The following SVIP variants were observed in gnomAD, a reference collection of about 807,000 sequenced individuals.
SVIP encodes small VCP interacting protein.
In SVIP, 14 loss-of-function variants were observed where a neutral mutation model predicts 12.9. That is an observed-to-expected ratio of 1.08 (90% CI 0.72 to 1.70). The LOEUF is 1.70. Ranked by LOEUF, SVIP falls within the 40% of genes most tolerant of loss-of-function variation. The pLI is 0.00. For synonymous variants in SVIP, 35 were observed against 33.3 expected (o/e 1.05, Z -0.17); for missense variants, 93 against 90.8 (o/e 1.02, Z -0.10).
Position 22,827,894 on chromosome 11 carries a change from T to C in SVIP, c.55-20A>G, listed in dbSNP as rs1273310108. The stretch of plus-strand genomic sequence containing the variant: ...CTCTTCCTAAATAAATGTGTAAAAA[T>C]ATGTATTAAAATAACAAACATTATT... On this transcript the variant is annotated intron_variant, in intron 1 of 3. Coordinates refer to ENST00000354193, the MANE Select transcript of SVIP (RefSeq NM_148893.3). 1 of 1,516,494 alleles carries C rather than the reference T, an allele frequency of 6.6e-7. No homozygotes were observed. The highest frequency in any genetic ancestry group is 8.9e-7 in the Non-Finnish European group (1 of 1,121,204). 93.9% of individuals were successfully genotyped at this position (1,516,494 alleles called of 1,614,324 possible).
At chr11:22,829,306 G>T (rs896176744) in intron 1 of SVIP, 8 of 185,182 alleles carry the variant, frequency 4.3e-5, no homozygotes, top group Non-Finnish European at 7.8e-5. Context: ...TCTCCTAGAC[G>T]ACTAAAGAGC....
chr11:22,826,698 G>A (rs1327247177), intron 3 of SVIP, among the ~76,000 whole-genome samples: 1 of 152,026 alleles, frequency 6.6e-6, no homozygotes, highest in African/African-American at 2.4e-5. Context: ...ACCCACACCT[G>A]TATACATTCT....
At chr11:22,825,324 A>G (rs959648025) in intron 3 of SVIP, among the ~76,000 whole-genome samples, 1 of 152,076 alleles carries the variant, frequency 6.6e-6, no homozygotes, top group Admixed American at 6.6e-5. Context: ...AGCCTTCCAG[A>G]ATTTTTTCAC....
At position 22,821,561 on chromosome 11, in the gene SVIP, A is replaced by G. The variant is rs911642742; in HGVS notation, c.*1558T>C. On this transcript the variant is annotated 3_prime_UTR_variant, in exon 4 of 4. Transcript: ENST00000354193. Reference sequence around the variant, plus strand: ...TTAAAATGGAAGAAAGGATTTGCAGAGTTCAAGGATGATATGCTCTAGCTC... The same window carrying G: ...TTAAAATGGAAGAAAGGATTTGCAGGGTTCAAGGATGATATGCTCTAGCTC... The G allele has an allele frequency of 1.3e-5, 2 of 152,124 alleles. No individual in the cohort carries two copies. The highest frequency in any genetic ancestry group is 1.3e-4 in the Admixed American group (2 of 15,270). 9.4% of individuals were successfully genotyped at this position (152,124 alleles called of 1,614,324 possible).
Position 22,825,391 on chromosome 11 carries a change from G to A in SVIP, c.219+1816C>T, listed in dbSNP as rs559017711. Among the ~76,000 whole-genome samples, 12 of 152,236 alleles carry A rather than the reference G, an allele frequency of 7.9e-5. 1 individual carries two copies. Among genetic ancestry groups the A allele is most frequent in the South Asian group, 4.1e-4 (2 of 4,820 alleles). On this transcript the variant is annotated intron_variant, in intron 3 of 3. Transcript: ENST00000354193. ...AGCAGAATGGAGCATGCCACTTGAA[G>A]CTAGTGTGGTAGTGGTAGGTGATGA...
At position 22,824,422 on chromosome 11, in the gene SVIP, T is replaced by TTA. The variant is rs56298778; in HGVS notation, c.220-1291_220-1290dup. 9.6e-3 allele frequency among the ~76,000 whole-genome samples: 1,393 copies of TTA among 144,738 alleles called. 13 individuals carry two copies. Among genetic ancestry groups the TTA allele is most frequent in the African/African-American group, 0.024 (967 of 39,536 alleles). 95.0% of individuals were successfully genotyped at this position (144,738 alleles called of 152,430 possible). ...CATCCAAGGAATATTATTGGGTGTT[T>TTA]TATATATATATATACACACACACAT... On this transcript the variant is annotated intron_variant, in intron 3 of 3. Coordinates refer to ENST00000354193, the MANE Select transcript of SVIP (RefSeq NM_148893.3).
intron 3 of SVIP, among the ~76,000 whole-genome samples, chr11:22,823,850 G>A (rs578108533): frequency 2.6e-5 from 4 of 152,138 alleles, no homozygotes; most frequent in African/African-American, 4.8e-5. Context: ...TCAGCCTCCC[G>A]AAAAGCTAGG....
rs989886370 is a variant in SVIP at position 22,819,845 on chromosome 11, G to A, written c.*3274C>T. On this transcript the variant is annotated 3_prime_UTR_variant, in exon 4 of 4. Coordinates refer to ENST00000354193, the MANE Select transcript of SVIP (RefSeq NM_148893.3). ...TAACAAAAAAGTATGATATCCACAG[G>A]AGTAATGTATGAATACTTAATTTGT... 1 of 152,198 alleles carries A rather than the reference G, an allele frequency of 6.6e-6. No individual in the cohort carries two copies. The highest frequency in any genetic ancestry group is 2.1e-4 in the South Asian group (1 of 4,826). The allele number at this position is 152,198 out of a possible 1,614,324, so 9.4% of individuals were successfully genotyped here.
Position 22,827,315 on chromosome 11 carries a change from T to G in SVIP, c.111A>C (p.Ala37=). The change falls in exon 3 of 4, where the codon GCA becomes GCC. Residue 37 remains alanine, a synonymous_variant. Transcript: ENST00000354193. ...ATTGAACATCTAAAATTCCCCGAGA[T>G]GCAGCCTTGAAGAAATTTGATAAGA... ...EAAERRQKEA[A]SRGILDVQSV... 1 of 1,594,530 alleles carries G rather than the reference T, an allele frequency of 6.3e-7. No individual in the cohort carries two copies. Among genetic ancestry groups the G allele is most frequent in the South Asian group, 1.2e-5 (1 of 86,922 alleles).
intron 3 of SVIP, among the ~76,000 whole-genome samples, chr11:22,826,424 G>A (rs2134761049): frequency 6.6e-6 from 1 of 152,084 alleles, no homozygotes; most frequent in Non-Finnish European, 1.5e-5. Context: ...ATAAATCATT[G>A]ACAAGTTAAA....
intron 1 of SVIP, 166 bp downstream of exon 1, chr11:22,829,529 G>A: frequency 3.2e-6 from 2 of 629,448 alleles, no homozygotes; most frequent in Non-Finnish European, 5.3e-6. Flanking sequence ...AGGTCGCTCT[G>A]ACAGGACCCA....
At chr11:22,829,551 G>A in intron 1 of SVIP, 144 bp downstream of exon 1, 1 of 783,628 alleles carries the variant, frequency 1.3e-6, no homozygotes, top group East Asian at 2.9e-5. Flanking sequence ...CGACCCTCCT[G>A]ACGCGTCCAC....
chr11:22,829,605 CCACCAGGTACAATGGCTCGGCCCGCCCCG>C (rs1403847935), intron 1 of SVIP, 61 bp downstream of exon 1: 1 of 1,361,538 alleles, frequency 7.3e-7, no homozygotes, highest in Non-Finnish European at 1.0e-6. Context: ...TCGACCTGCG[CCACCAGGTACAATGGCTCGGCCCGCCCCG>C]CAACCCGAGG....
Position 22,820,912 on chromosome 11 carries a change from G to A in SVIP, c.*2207C>T, listed in dbSNP as rs560031368. On this transcript the variant is annotated 3_prime_UTR_variant, in exon 4 of 4. Transcript: ENST00000354193. The stretch of plus-strand genomic sequence containing the variant: ...AATTATAGTTTAGTAATAGGTCAGG[G>A]GTTTGAGCAACATTTTAAGCATTAT... 1.3e-4 allele frequency: 19 copies of A among 151,662 alleles called. No individual in the cohort carries two copies. The highest frequency in any genetic ancestry group is 2.2e-4 in the Non-Finnish European group (15 of 67,942). 9.4% of individuals were successfully genotyped at this position (151,662 alleles called of 1,614,324 possible). A position where few individuals can be genotyped will look rare whatever the true frequency, so the allele number is the denominator to read the frequency against.
rs147834783 is a variant in SVIP, at chr11:22,826,817, C to T, written c.219+390G>A. On this transcript the variant is annotated intron_variant, in intron 3 of 3. Coordinates refer to ENST00000354193, the MANE Select transcript of SVIP (RefSeq NM_148893.3). Reference sequence around the variant, plus strand: ...TCAGGCCATAAAACAGAACTTATAGCGTAATCCAATTTAATAAGATATATA... The same window carrying T: ...TCAGGCCATAAAACAGAACTTATAGTGTAATCCAATTTAATAAGATATATA... Among the ~76,000 whole-genome samples, 1,344 of 152,122 alleles carry T rather than the reference C, an allele frequency of 8.8e-3. 15 individuals are homozygous for T. The highest frequency in any genetic ancestry group is 0.012 in the Non-Finnish European group (837 of 67,962).
intron 3 of SVIP, 83 bp from the exon 4 acceptor site, chr11:22,823,216 G>T: frequency 1.0e-6 from 1 of 965,178 alleles, no homozygotes; most frequent in East Asian, 2.5e-5. Flanking sequence ...CAGGTAAAAA[G>T]AGGAATATGG....
chr11:22,820,135 G>A lies in SVIP; in HGVS notation c.*2984C>T, dbSNP rs1335536068. 1 of 152,208 alleles carries A rather than the reference G, an allele frequency of 6.6e-6. No individual in the cohort carries two copies. The highest frequency in any genetic ancestry group is 1.5e-5 in the Non-Finnish European group (1 of 68,032). The allele number at this position is 152,208 out of a possible 1,614,324, so 9.4% of individuals were successfully genotyped here. A position where few individuals can be genotyped will look rare whatever the true frequency, so the allele number is the denominator to read the frequency against. On this transcript the variant is annotated 3_prime_UTR_variant, in exon 4 of 4. Coordinates refer to ENST00000354193, the MANE Select transcript of SVIP (RefSeq NM_148893.3). ...AGAGAATTTGAAATGCTTGCTTGGA[G>A]ATGTTAAAGAAATATACCTTATGTC...
chr11:22,820,694 A>G lies in SVIP; in HGVS notation c.*2425T>C, dbSNP rs1460926271. 1 of 152,228 alleles carries G rather than the reference A, an allele frequency of 6.6e-6. No individual in the cohort carries two copies. Among genetic ancestry groups the G allele is most frequent in the Admixed American group, 6.5e-5 (1 of 15,282 alleles). The allele number at this position is 152,228 out of a possible 1,614,324, so 9.4% of individuals were successfully genotyped here. On this transcript the variant is annotated 3_prime_UTR_variant, in exon 4 of 4. Coordinates refer to ENST00000354193, the MANE Select transcript of SVIP (RefSeq NM_148893.3). ...CCATGTGTGAGAACTGTTAAATTAC[A>G]TTCCAAATACCAGCAGTGGAACAAA... is the stretch of plus-strand genomic sequence containing the variant.
Position 22,820,896 on chromosome 11 carries a change from T to G in SVIP, c.*2223A>C, listed in dbSNP as rs1590166840. The G allele has an allele frequency of 6.6e-6, 1 of 151,928 alleles. No homozygotes were observed. Among genetic ancestry groups the G allele is most frequent in the Admixed American group, 6.6e-5 (1 of 15,242 alleles). 9.4% of individuals were successfully genotyped at this position (151,928 alleles called of 1,614,324 possible). On this transcript the variant is annotated 3_prime_UTR_variant, in exon 4 of 4. Transcript: ENST00000354193. ...TGCATTTTACTGTTCCAATTATAGTTTAGTAATAGGTCAGGGGTTTGAGCA... is the reference window on the plus strand; with the variant it reads ...TGCATTTTACTGTTCCAATTATAGTGTAGTAATAGGTCAGGGGTTTGAGCA...
Sources: gnomAD v4.1 joint callset for allele counts (sites outside exome capture counted in the v4.1 genomes callset) on GRCh38, gnomAD v4.1.1 for gene constraint, MANE v1.5 for transcripts, NCBI Gene and HGNC (gene_info 2026-07-23, HGNC 2026-07-21) for gene names.